Variants in GRB14 observed in about 807,000 individuals in gnomAD.
GRB14 encodes growth factor receptor-bound protein 14.
A neutral mutation model predicts 69.1 loss-of-function variants in GRB14; 38 were observed. That is an observed-to-expected ratio of 0.55 (90% CI 0.42 to 0.72). GRB14 has a LOEUF of 0.72. Among genes scored for constraint, GRB14 ranks in the 30% least tolerant of loss-of-function variants. The pLI, the probability that GRB14 is intolerant of heterozygous loss-of-function variation, is 0.00. For synonymous variants in GRB14, 247 were observed against 241.3 expected (o/e 1.02, Z -0.22); for missense variants, 666 against 666.1 (o/e 1.00, Z 0.00).
chr2:164,524,926 G>A (rs978992471), intron 5 of GRB14, 78 bp downstream of exon 5: 2 of 747,132 alleles, frequency 2.7e-6, no homozygotes, highest in East Asian at 5.9e-5. Context: ...TTCAAAATCT[G>A]GGCATGTATA....
intron 3 of GRB14, 46 bp downstream of exon 3, chr2:164,547,614 A>G (rs1317022705): frequency 6.7e-7 from 1 of 1,498,850 alleles, no homozygotes; most frequent in Non-Finnish European, 9.1e-7. Flanking sequence ...GAGCTGAACA[A>G]GAAATAGAAA....
chr2:164,617,295 A>G (rs1156644286), intron 2 of GRB14, among the ~76,000 whole-genome samples: 1 of 152,176 alleles, frequency 6.6e-6, no homozygotes, highest in Non-Finnish European at 1.5e-5. Context: ...CTCAGGGAAC[A>G]GTACAGGTGT....
intron 2 of GRB14, among the ~76,000 whole-genome samples, chr2:164,576,184 C>T (rs898670973): frequency 2.6e-5 from 4 of 151,360 alleles, no homozygotes; most frequent in African/African-American, 9.7e-5. Flanking sequence ...ATATAGTACA[C>T]ATTTGTAAAG....
intron 2 of GRB14, among the ~76,000 whole-genome samples, chr2:164,609,963 G>A (rs1306510114): frequency 2.6e-5 from 4 of 152,172 alleles, no homozygotes; most frequent in Non-Finnish European, 5.9e-5. Context: ...CTTCTTATTT[G>A]TGATGCTTTG....
chr2:164,605,485 C>A (rs964395191), intron 2 of GRB14, among the ~76,000 whole-genome samples: 2 of 152,000 alleles, frequency 1.3e-5, no homozygotes, highest in African/African-American at 4.8e-5. Context: ...GCAATTGAGG[C>A]CGTGGAGGTA....
Position 164,610,132 on chromosome 2 carries a change from T to C in GRB14, c.324+9555A>G, listed in dbSNP as rs148768018. Reference sequence around the variant, plus strand: ...ATGTTTGACAACCCTTGGAAAGTCTTCATGTATTTTCAAAGGGTATATGTC... The same window carrying C: ...ATGTTTGACAACCCTTGGAAAGTCTCCATGTATTTTCAAAGGGTATATGTC... On this transcript the variant is annotated intron_variant, in intron 2 of 13. Transcript: ENST00000263915. Among the ~76,000 whole-genome samples the C allele has an allele frequency of 3.5e-3, 533 of 152,280 alleles. 3 individuals carry two copies. Among genetic ancestry groups the C allele is most frequent in the Admixed American group, 8.6e-3 (132 of 15,300 alleles).
intron 2 of GRB14, among the ~76,000 whole-genome samples, chr2:164,589,380 G>A (rs976333060): frequency 6.6e-6 from 1 of 152,040 alleles, no homozygotes; most frequent in Non-Finnish European, 1.5e-5. Context: ...TGTTACAAAG[G>A]AATACCCAAG....
chr2:164,519,990 C>T (rs756712186), intron 6 of GRB14, among the ~76,000 whole-genome samples: 1 of 151,970 alleles, frequency 6.6e-6, no homozygotes, highest in Non-Finnish European at 1.5e-5. Context: ...CATCATCGTT[C>T]TTCACAGAAC....
chr2:164,494,559 T>C, intron 12 of GRB14, 35 bp from the exon 13 acceptor site: 1 of 1,044,960 alleles, frequency 9.6e-7, no homozygotes, highest in Non-Finnish European at 1.5e-6. Context: ...TGTTTCTATA[T>C]TTACTCATGG....
rs148353103 is a variant in GRB14, at chr2:164,537,168, T to A, written c.482-10033A>T. On this transcript the variant is annotated intron_variant, in intron 3 of 13. Transcript: ENST00000263915. Reference sequence around the variant, plus strand: ...TGAGCATGGGATGCCTCCAACTGCTTTTCTCTCTCCACTCTCCCTGGACAG... The same window carrying A: ...TGAGCATGGGATGCCTCCAACTGCTATTCTCTCTCCACTCTCCCTGGACAG... Among the ~76,000 whole-genome samples the A allele has an allele frequency of 7.4e-4, 112 of 152,246 alleles. 1 individual carries two copies. In the East Asian group the frequency reaches 0.021, roughly 28 times the overall value.
At chr2:164,603,956 A>G (rs1347649373) in intron 2 of GRB14, among the ~76,000 whole-genome samples, 1 of 152,230 alleles carries the variant, frequency 6.6e-6, no homozygotes, top group Non-Finnish European at 1.5e-5. Flanking sequence ...GTAATTCACA[A>G]AGAAGAAGTA....
At chr2:164,508,417 C>G (rs745496662) in intron 8 of GRB14, 38 bp downstream of exon 8, 1 of 1,491,720 alleles carries the variant, frequency 6.7e-7, no homozygotes, top group Non-Finnish European at 9.4e-7. Flanking sequence ...ATGGTACTCA[C>G]AGCAGTTAAT....
chr2:164,601,343 T>C (rs1415248845), intron 2 of GRB14, among the ~76,000 whole-genome samples: 2 of 152,132 alleles, frequency 1.3e-5, no homozygotes, highest in East Asian at 3.8e-4. Flanking sequence ...AGAAAAACAC[T>C]ATGGAGGTAG....
chr2:164,501,893 AAC>A (rs1687061505), intron 9 of GRB14, among the ~76,000 whole-genome samples: 1 of 152,040 alleles, frequency 6.6e-6, no homozygotes, highest in African/African-American at 2.4e-5. Flanking sequence ...TAATTAACAA[AAC>A]ACAATCTACA....
chr2:164,511,990 G>T (rs780151396), intron 6 of GRB14, among the ~76,000 whole-genome samples: 8 of 152,062 alleles, frequency 5.3e-5, no homozygotes, highest in African/African-American at 4.8e-5. Context: ...ATCAGCAGTT[G>T]CTAGCAGTAC....
In GRB14 at chr2:164,494,485, A is replaced by T. The variant is rs1450618645; in HGVS notation, c.1422T>A (p.Thr474=). The T allele has an allele frequency of 3.1e-6, 5 of 1,603,848 alleles. No individual in the cohort carries two copies. The highest frequency in any genetic ancestry group is 2.2e-5 in the East Asian group (1 of 44,736). ...GTCCATGACTCATTGACAGTACGAA[A>T]GTTTTGGGGTTACTCTGACTATCCC... ...LVRDSQSNPK[T]FVLSMSHGQK... is the part of the protein sequence containing the mutation. The change falls in exon 13 of 14, where the codon ACT becomes ACA. Residue 474 remains threonine (T), a synonymous_variant. Transcript: ENST00000263915.
intron 2 of GRB14, among the ~76,000 whole-genome samples, chr2:164,590,996 T>C (rs1314997998): frequency 6.6e-6 from 1 of 152,202 alleles, no homozygotes; most frequent in African/African-American, 2.4e-5. Flanking sequence ...GCAAAATTAT[T>C]TGGCCTAATG....
chr2:164,510,891 T>C (rs760319490), intron 6 of GRB14, among the ~76,000 whole-genome samples: 9 of 152,172 alleles, frequency 5.9e-5, no homozygotes, highest in Admixed American at 5.9e-4. Context: ...AGTCTTACAT[T>C]GTCAGTACCT....
chr2:164,621,320 C>G lies in GRB14; in HGVS notation c.-11G>C. On this transcript the variant is annotated 5_prime_UTR_variant, in exon 1 of 14. Transcript: ENST00000263915. This position sits in a 1 kb window ranked among gnomAD's most constrained non-coding sequence, Gnocchi z 6.0. ...CAGGGAAGTGGTCATTGTCGCCGGC[C>G]GGGGGGCTCGGGCGTCATGGGAGAC... 1 of 1,282,134 alleles carries G rather than the reference C, an allele frequency of 7.8e-7. No individual in the cohort carries two copies. Among genetic ancestry groups the G allele is most frequent in the East Asian group, 2.9e-5 (1 of 34,958 alleles). 79.4% of individuals were successfully genotyped at this position (1,282,134 alleles called of 1,614,324 possible).
Sources: gnomAD v4.1 joint callset for allele counts (sites outside exome capture counted in the v4.1 genomes callset) on GRCh38, gnomAD v4.1.1 for gene constraint, Gnocchi (gnomAD v3.1) non-coding constraint, MANE v1.5 for transcripts, NCBI Gene and HGNC (gene_info 2026-07-23, HGNC 2026-07-21) for gene names.